CFLAR: variants seen among roughly 807,000 people sequenced by gnomAD.
CFLAR encodes the protein CASP8 and FADD-like apoptosis regulator.
In CFLAR, 14 loss-of-function variants were observed where a neutral mutation model predicts 51.1. The observed-to-expected ratio is 0.27, with a 90% CI of 0.18 to 0.43. The LOEUF (loss-of-function observed/expected upper bound fraction) is 0.43, where lower values mean the gene tolerates loss of function less well. Ranked by LOEUF, CFLAR falls within the 20% of genes least tolerant of loss-of-function variation. The pLI is 1.00. For synonymous variants in CFLAR, 210 were observed against 211.6 expected, an observed-to-expected ratio of 0.99 and a Z score of 0.06; for missense variants, 390 against 566.5, an observed-to-expected ratio of 0.69 and a Z score of 3.16.
chr2:201,125,497 T>C (rs764617811), intron 1 of CFLAR, among the ~76,000 whole-genome samples: 1 of 151,452 alleles, frequency 6.6e-6, no homozygotes, highest in Non-Finnish European at 1.5e-5. Context: ...AGAGTAGACA[T>C]AGGGGATTAG....
chr2:201,144,905 T>C (rs1939788786), intron 5 of CFLAR, among the ~76,000 whole-genome samples: 1 of 152,134 alleles, frequency 6.6e-6, no homozygotes, highest in Admixed American at 6.5e-5. Context: ...CAGGCTGGAG[T>C]GCAATGGCAC....
At position 201,169,119 on chromosome 2, in the gene CFLAR, T is replaced by C. The variant is rs1943853923; in HGVS notation, c.*5146T>C. Reference sequence around the variant, plus strand: ...GAATTAGAAAAAAACTACTTTAAAATTCAAATGGAACCAAAAAAGAGCCCG... The same window carrying C: ...GAATTAGAAAAAAACTACTTTAAAACTCAAATGGAACCAAAAAAGAGCCCG... On this transcript the variant is annotated 3_prime_UTR_variant, in exon 10 of 10. Transcript: ENST00000309955. 1 of 152,064 alleles carries C rather than the reference T, an allele frequency of 6.6e-6. No individual in the cohort carries two copies. Among genetic ancestry groups the C allele is most frequent in the Admixed American group, 6.6e-5 (1 of 15,242 alleles). The allele number at this position is 152,064 out of a possible 1,614,324, so 9.4% of individuals were successfully genotyped here. A position where few individuals can be genotyped will look rare whatever the true frequency, so the allele number is the denominator to read the frequency against.
intron 3 of CFLAR, among the ~76,000 whole-genome samples, chr2:201,134,057 C>G (rs991860058): frequency 1.3e-5 from 2 of 151,530 alleles, no homozygotes; most frequent in Non-Finnish European, 2.9e-5. Flanking sequence ...GCCTGTAATC[C>G]TAGCACTTTG....
In CFLAR at chr2:201,167,755, G is replaced by A. The variant is rs1427888460; in HGVS notation, c.*3782G>A. On this transcript the variant is annotated 3_prime_UTR_variant, in exon 10 of 10. Coordinates refer to ENST00000309955, the MANE Select transcript of CFLAR (RefSeq NM_003879.7). ...CTGCCATCTTGAACCATGAAGATAC[G>A]GGCCACACGTAGGGGTAGCTGGGTA... 1.3e-5 allele frequency: 2 copies of A among 152,194 alleles called. No individual in the cohort carries two copies. Among genetic ancestry groups the A allele is most frequent in the Non-Finnish European group, 2.9e-5 (2 of 68,050 alleles). 9.4% of individuals were successfully genotyped at this position (152,194 alleles called of 1,614,324 possible).
At chr2:201,117,986 C>T (rs1046387432) in intron 1 of CFLAR, among the ~76,000 whole-genome samples, 1 of 151,968 alleles carries the variant, frequency 6.6e-6, no homozygotes, top group Admixed American at 6.6e-5. Flanking sequence ...AACTCCTGAC[C>T]TTAGGTGATC....
At chr2:201,137,644 C>G (rs912405148) in intron 4 of CFLAR, 219 of 758,296 alleles carry the variant, frequency 2.9e-4, no homozygotes, top group Non-Finnish European at 4.5e-4. Context: ...AGGCTGTGGG[C>G]CCCGATATCC....
At position 201,161,738 on chromosome 2, in the gene CFLAR, CTTTTTTTTTTT is replaced by C. The variant is rs3044256; in HGVS notation, c.1304+811_1304+821del. On this transcript the variant is annotated intron_variant, in intron 9 of 9. Transcript: ENST00000309955. ...CCACAAATTTTTATTTTTAATTTTT[CTTTTTTTTTTT>C]TTTTTTTTTTTTTTGAGACAGAGTT... 4.8e-3 allele frequency among the ~76,000 whole-genome samples: 483 copies of C among 101,290 alleles called. 4 individuals are homozygous for C. The highest frequency in any genetic ancestry group is 0.017 in the African/African-American group (458 of 27,266). 66.5% of individuals were successfully genotyped at this position (101,290 alleles called of 152,430 possible).
At chr2:201,153,099 T>C (rs2125877503) in intron 8 of CFLAR, 1 of 152,374 alleles carries the variant, frequency 6.6e-6, no homozygotes, top group Admixed American at 6.5e-5. Context: ...GAGGGTACCC[T>C]GGATGCTCGG....
chr2:201,125,651 G>C (rs1398007260), intron 1 of CFLAR, among the ~76,000 whole-genome samples: 1 of 152,090 alleles, frequency 6.6e-6, no homozygotes, highest in Non-Finnish European at 1.5e-5. Flanking sequence ...GTGGTGTTGG[G>C]ATGGAAGAGA....
rs775841889 is a variant in CFLAR, at chr2:201,116,826, G to A, written c.-138+345G>A. The stretch of plus-strand genomic sequence containing the variant: ...CTCCGCCCCGGATTCCCAGAAAGGG[G>A]CGACCTGGGCCACAGCGGTACAAGC... On this transcript the variant is annotated intron_variant, in intron 1 of 9. Transcript: ENST00000309955. This position sits in a 1 kb window ranked among gnomAD's most constrained non-coding sequence, Gnocchi z 4.8. 5.3e-5 allele frequency: 8 copies of A among 152,278 alleles called. No individual in the cohort carries two copies. Among genetic ancestry groups the A allele is most frequent in the Non-Finnish European group, 7.3e-5 (5 of 68,106 alleles). The allele number at this position is 152,278 out of a possible 1,614,324, so 9.4% of individuals were successfully genotyped here. A position where few individuals can be genotyped will look rare whatever the true frequency, so the allele number is the denominator to read the frequency against.
chr2:201,158,852 C>CATTATTATT (rs61427822), intron 8 of CFLAR, among the ~76,000 whole-genome samples: 410 of 139,606 alleles, frequency 2.9e-3, no homozygotes, highest in East Asian at 0.011. Flanking sequence ...TTGCCCTCAT[C>CATTATTATT]ATTATTATTA....
intron 1 of CFLAR, among the ~76,000 whole-genome samples, chr2:201,126,668 C>T (rs1056116654): frequency 6.6e-6 from 1 of 152,216 alleles, no homozygotes; most frequent in Non-Finnish European, 1.5e-5. Flanking sequence ...CCTCACTTCC[C>T]TGGCTGAGGC....
At chr2:201,161,897 C>T (rs1253556940) in intron 9 of CFLAR, among the ~76,000 whole-genome samples, 2 of 151,852 alleles carry the variant, frequency 1.3e-5, no homozygotes, top group African/African-American at 2.4e-5. Flanking sequence ...CAGGCGTCCG[C>T]CATCACACCT....
In CFLAR at chr2:201,164,872, G is replaced by C. The variant is rs1943389448; in HGVS notation, c.*899G>C. The C allele has an allele frequency of 6.6e-6, 1 of 152,164 alleles. No individual in the cohort carries two copies. The highest frequency in any genetic ancestry group is 2.1e-4 in the South Asian group (1 of 4,830). 9.4% of individuals were successfully genotyped at this position (152,164 alleles called of 1,614,324 possible). A position where few individuals can be genotyped will look rare whatever the true frequency, so the allele number is the denominator to read the frequency against. On this transcript the variant is annotated 3_prime_UTR_variant, in exon 10 of 10. Transcript: ENST00000309955. ...TAAGTGGTAGCATATCTGGTGTCTG[G>C]TAAGGCATGCTTCCAGATCTTACCA...
Position 201,138,739 on chromosome 2 carries a change from CCTT to C in CFLAR, c.524-1615_524-1613del. On this transcript the variant is annotated intron_variant, in intron 4 of 9. Transcript: ENST00000309955. The surrounding 1 kb of genome is among the most constrained non-coding windows in gnomAD (Gnocchi z 4.0). ...ATAAAGCCCGGTTCAAACTTCTTGACCTTCTGCACCTCACTGGCCTGGAACTCT... is the reference window on the plus strand; with the variant it reads ...ATAAAGCCCGGTTCAAACTTCTTGACCTGCACCTCACTGGCCTGGAACTCT... 1 of 777,676 alleles carries C rather than the reference CCTT, an allele frequency of 1.3e-6. No homozygotes were observed. The highest frequency in any genetic ancestry group is 2.3e-6 in the Non-Finnish European group (1 of 427,186). 48.2% of individuals were successfully genotyped at this position (777,676 alleles called of 1,614,324 possible). A position where few individuals can be genotyped will look rare whatever the true frequency, so the allele number is the denominator to read the frequency against.
intron 1 of CFLAR, among the ~76,000 whole-genome samples, chr2:201,119,710 G>A (rs531068395): frequency 1.9e-3 from 288 of 152,080 alleles, no homozygotes; most frequent in South Asian, 3.7e-3. Context: ...ATTCTGTACT[G>A]TAATGCATTT....
chr2:201,149,464 T>A lies in CFLAR; in HGVS notation c.712-290T>A, dbSNP rs74825977. On this transcript the variant is annotated intron_variant, in intron 7 of 9. Transcript: ENST00000309955. ...GGTTACTGTGGAGACAAATCACTCA[T>A]GTTTTCTCTCTTTTTCAAATTATCT... is the stretch of plus-strand genomic sequence containing the variant. 1.0e-3 allele frequency: 313 copies of A among 301,980 alleles called. 1 individual carries two copies. The highest frequency in any genetic ancestry group is 6.1e-3 in the African/African-American group (281 of 45,886). 18.7% of individuals were successfully genotyped at this position (301,980 alleles called of 1,614,324 possible).
At chr2:201,150,305 G>A (rs7571899) in intron 8 of CFLAR, 1 of 150,962 alleles carries the variant, frequency 6.6e-6, no homozygotes, top group Non-Finnish European at 1.5e-5. Flanking sequence ...CCGCACTGTA[G>A]CCTGGGTGAC....
At chr2:201,130,958 C>T (rs2049246730) in intron 2 of CFLAR, among the ~76,000 whole-genome samples, 1 of 152,222 alleles carries the variant, frequency 6.6e-6, no homozygotes, top group Non-Finnish European at 1.5e-5. Flanking sequence ...GTTGGCCCTA[C>T]CCTGCTGAGG....
Sources: gnomAD v4.1 joint callset for allele counts (sites outside exome capture counted in the v4.1 genomes callset) on GRCh38, gnomAD v4.1.1 for gene constraint, Gnocchi (gnomAD v3.1) non-coding constraint, MANE v1.5 for transcripts, NCBI Gene and HGNC (gene_info 2026-07-23, HGNC 2026-07-21) for gene names.